Variants in PCDHGA2 observed in about 807,000 individuals in gnomAD.
PCDHGA2 encodes the protein protocadherin gamma-A2.
Under a neutral mutation model 59.2 loss-of-function variants are expected in PCDHGA2, and 40 were observed. The observed-to-expected ratio is 0.68, with a 90% CI of 0.52 to 0.88. The LOEUF (loss-of-function observed/expected upper bound fraction) is 0.88. Among genes scored for constraint, PCDHGA2 ranks in the 40% least tolerant of loss-of-function variants. PCDHGA2 has a pLI of 0.00. For synonymous variants in PCDHGA2, 560 were observed against 526.0 expected (o/e 1.06, Z -0.89); for missense variants, 1,226 against 1,204.0 (o/e 1.02, Z -0.27).
At chr5:141,351,890 C>T (rs1236612073) in intron 1 of PCDHGA2, 7 of 1,613,300 alleles carry the variant, frequency 4.3e-6, no homozygotes, top group Admixed American at 3.3e-5. Context: ...CAACGTGAGC[C>T]TGCGCGTGTT....
intron 1 of PCDHGA2, among the ~76,000 whole-genome samples, chr5:141,448,712 G>A (rs1439461223): frequency 1.3e-5 from 2 of 152,004 alleles, no homozygotes; most frequent in African/African-American, 2.4e-5. Flanking sequence ...AGGCCGAGGC[G>A]GGAGGATCAC....
rs145025535 is a variant in PCDHGA2 at position 141,457,569 on chromosome 5, T to A, written c.2425-37238T>A. 2.5e-3 allele frequency among the ~76,000 whole-genome samples: 376 copies of A among 152,304 alleles called. 1 individual carries two copies. Among genetic ancestry groups the A allele is most frequent in the African/African-American group, 8.6e-3 (357 of 41,554 alleles). On this transcript the variant is annotated intron_variant, in intron 1 of 3. Transcript: ENST00000394576. Reference sequence around the variant, plus strand: ...TGTATGATAAGCTTTGGAGCAAAATTTTTCTCTCCAGTCCTCATTTTTGGT... The same window carrying A: ...TGTATGATAAGCTTTGGAGCAAAATATTTCTCTCCAGTCCTCATTTTTGGT...
chr5:141,370,781 C>T (rs774285137), intron 1 of PCDHGA2: 16 of 1,613,898 alleles, frequency 9.9e-6, no homozygotes, highest in Non-Finnish European at 1.3e-5. Context: ...TTAACGACAA[C>T]CCACCGACCT....
chr5:141,429,913 T>C (rs1013990672), intron 1 of PCDHGA2, among the ~76,000 whole-genome samples: 29 of 152,238 alleles, frequency 1.9e-4, no homozygotes, highest in African/African-American at 7.0e-4. Context: ...TGAAATATAA[T>C]GTATTAATAG....
intron 2 of PCDHGA2, among the ~76,000 whole-genome samples, chr5:141,502,654 C>T (rs1424933188): frequency 6.6e-6 from 1 of 152,230 alleles, no homozygotes; most frequent in South Asian, 2.1e-4. Context: ...TAGGCAGCAA[C>T]CCTTCATGCA....
At chr5:141,427,898 C>T in intron 1 of PCDHGA2, 4 of 1,570,874 alleles carry the variant, frequency 2.5e-6, no homozygotes, top group African/African-American at 1.3e-5. Flanking sequence ...AGGGCTCGCC[C>T]GCGCTCAGCG....
chr5:141,375,216 T>A (rs1368760534), intron 1 of PCDHGA2: 1 of 1,614,014 alleles, frequency 6.2e-7, no homozygotes, highest in Admixed American at 1.7e-5. Context: ...GACTCTGGCC[T>A]GAATGGCCTG....
At chr5:141,366,394 C>A in intron 1 of PCDHGA2, 1 of 1,614,168 alleles carries the variant, frequency 6.2e-7, no homozygotes, top group Non-Finnish European at 8.5e-7. Flanking sequence ...AGGATCTGGA[C>A]CTCACACTCT....
At position 141,415,593 on chromosome 5, in the gene PCDHGA2, G is replaced by A. The variant is rs201857595; in HGVS notation, c.2424+74198G>A. ...TAGATGATTCGAAGTTTCCTATAGA[G>A]GATACCCCATTGGTTCCAGTGAGTT... On this transcript the variant is annotated intron_variant, in intron 1 of 3. Transcript: ENST00000394576. The A allele has an allele frequency of 7.6e-5, 122 of 1,613,876 alleles. No homozygotes were observed. In the East Asian group the frequency reaches 2.7e-3, roughly 35 times the overall value.
Position 141,375,767 on chromosome 5 carries a change from A to T in PCDHGA2, c.2424+34372A>T, listed in dbSNP as rs190439419. ...GGACCAGAATGACAATGCGCCCGAGATCCTGTACCCCGCCCTCCCCACAGA... is the reference window on the plus strand; with the variant it reads ...GGACCAGAATGACAATGCGCCCGAGTTCCTGTACCCCGCCCTCCCCACAGA... On this transcript the variant is annotated intron_variant, in intron 1 of 3. Transcript: ENST00000394576. 3.1e-4 allele frequency: 496 copies of T among 1,614,182 alleles called. 1 individual carries two copies. The highest frequency in any genetic ancestry group is 3.8e-4 in the Non-Finnish European group (444 of 1,180,008).
At chr5:141,364,470 A>G in intron 1 of PCDHGA2, 1 of 1,614,038 alleles carries the variant, frequency 6.2e-7, no homozygotes, top group Non-Finnish European at 8.5e-7. Context: ...TTCGTCGGCA[A>G]CATAGCCAAG....
intron 1 of PCDHGA2, chr5:141,430,885 C>T (rs771554381): frequency 5.6e-6 from 9 of 1,605,218 alleles, no homozygotes; most frequent in South Asian, 1.1e-5. Flanking sequence ...TGGAGAAAGG[C>T]TCTAGGGTGG....
intron 1 of PCDHGA2, among the ~76,000 whole-genome samples, chr5:141,435,500 A>G (rs896915416): frequency 6.6e-6 from 1 of 152,176 alleles, no homozygotes; most frequent in African/African-American, 2.4e-5. Context: ...TCCTACACTA[A>G]TGATACTAAT....
rs757133043 is a variant in PCDHGA2 at position 141,362,275 on chromosome 5, C to T, written c.2424+20880C>T. 40 of 1,613,924 alleles carry T rather than the reference C, an allele frequency of 2.5e-5. No homozygotes were observed. The highest frequency in any genetic ancestry group is 2.4e-5 in the Non-Finnish European group (28 of 1,179,912). ...CGCGGTGATTCTGGCAATCTCCCTGCGCCTGCGACTCTCTTCCAGGTCAGA... is the reference window on the plus strand; with the variant it reads ...CGCGGTGATTCTGGCAATCTCCCTGTGCCTGCGACTCTCTTCCAGGTCAGA... On this transcript the variant is annotated intron_variant, in intron 1 of 3. Transcript: ENST00000394576.
intron 1 of PCDHGA2, chr5:141,372,361 C>A (rs1227917364): frequency 6.2e-7 from 1 of 1,613,952 alleles, no homozygotes; most frequent in South Asian, 1.1e-5. Context: ...CCTCTTTCAG[C>A]CACCGTCATG....
At chr5:141,345,290 CATT>C (rs781526788) in intron 1 of PCDHGA2, 2 of 1,613,974 alleles carry the variant, frequency 1.2e-6, no homozygotes, top group East Asian at 2.2e-5. Flanking sequence ...CAGAATATAA[CATT>C]AGTCTGAGAG....
At chr5:141,376,069 G>T (rs897737501) in intron 1 of PCDHGA2, 13 of 1,613,452 alleles carry the variant, frequency 8.1e-6, no homozygotes, top group Non-Finnish European at 1.0e-5. Flanking sequence ...CGCTCACCGT[G>T]GCCGTGGCCG....
At position 141,485,009 on chromosome 5, in the gene PCDHGA2, C is replaced by T. The variant is rs531346426; in HGVS notation, c.2425-9798C>T. The T allele has an allele frequency of 6.4e-5, 40 of 628,334 alleles. No homozygotes were observed. Among genetic ancestry groups the T allele is most frequent in the Admixed American group, 5.3e-4 (18 of 33,986 alleles). The allele number at this position is 628,334 out of a possible 1,614,324, so 38.9% of individuals were successfully genotyped here. On this transcript the variant is annotated intron_variant, in intron 1 of 3. Transcript: ENST00000394576. The surrounding 1 kb of genome is among the most constrained non-coding windows in gnomAD (Gnocchi z 5.7). Reference sequence around the variant, plus strand: ...GGTGGTGAAAGGCAGACAAATCTACCCCGCCACCAGCAAAAACGGCGCGTA... The same window carrying T: ...GGTGGTGAAAGGCAGACAAATCTACTCCGCCACCAGCAAAAACGGCGCGTA...
In PCDHGA2 at chr5:141,339,655, C is replaced by G. The variant is rs767792449; in HGVS notation, c.684C>G (p.Ile228Met). ...CAGTGCTATCTGGCACCTCCCGCAT[C>G]TGCGTGAAGGTCCTGGATGCGAACG... is the stretch of plus-strand genomic sequence containing the variant. The part of the protein sequence containing the change: ...GDPVLSGTSR[I>M]CVKVLDANDN... Residue 228 changes from isoleucine (I) to methionine (M), a missense_variant, in exon 1 of 4, where the codon ATC (isoleucine) becomes ATG (methionine). Ile to Met is a conservative substitution (Grantham distance 10). Coordinates refer to ENST00000394576, the MANE Select transcript of PCDHGA2 (RefSeq NM_018915.4). The G allele has an allele frequency of 1.2e-5, 20 of 1,614,076 alleles. No homozygotes were observed. The highest frequency in any genetic ancestry group is 3.3e-4 in the Middle Eastern group (2 of 6,084).
Sources: gnomAD v4.1 joint callset for allele counts (sites outside exome capture counted in the v4.1 genomes callset) on GRCh38, gnomAD v4.1.1 for gene constraint, Gnocchi (gnomAD v3.1) non-coding constraint, MANE v1.5 for transcripts, NCBI Gene and HGNC (gene_info 2026-07-23, HGNC 2026-07-21) for gene names.